Variants in PLB1 observed in about 807,000 individuals in gnomAD.
PLB1 encodes phospholipase B1.
Under a neutral mutation model 227.4 loss-of-function variants are expected in PLB1, and 242 were observed. The ratio of observed to expected loss-of-function variants is 1.06; its 90% confidence interval spans 0.96 to 1.18. The LOEUF is 1.18. Ranked by LOEUF, PLB1 falls within the 50% of genes most tolerant of loss-of-function variation. The pLI, the probability that PLB1 is intolerant of heterozygous loss-of-function variation, is 0.00. For missense variants in PLB1, 1,858 were observed against 1,816.3 expected, an observed-to-expected ratio of 1.02 and a Z score of -0.42; for synonymous variants, 757 against 682.2, an observed-to-expected ratio of 1.11 and a Z score of -1.71.
chr2:28,587,178 C>G (rs925159691), intron 26 of PLB1, among the ~76,000 whole-genome samples: 4 of 152,186 alleles, frequency 2.6e-5, no homozygotes, highest in Non-Finnish European at 5.9e-5. Flanking sequence ...TTACTGGGTG[C>G]ACGCAACTAA....
At chr2:28,538,173 C>A in intron 9 of PLB1, 146 bp from the exon 10 acceptor site, 1 of 910,790 alleles carries the variant, frequency 1.1e-6, no homozygotes, top group Non-Finnish European at 1.8e-6. Context: ...TCTGGGAATT[C>A]TGTCCTCCTT....
At chr2:28,544,233 A>G (rs1027693198) in intron 14 of PLB1, among the ~76,000 whole-genome samples, 1 of 152,218 alleles carries the variant, frequency 6.6e-6, no homozygotes, top group Non-Finnish European at 1.5e-5. Flanking sequence ...GAGTTCTCTG[A>G]ACAGGGACGT....
At chr2:28,637,306 A>C in intron 56 of PLB1, among the ~76,000 whole-genome samples, 1 of 151,784 alleles carries the variant, frequency 6.6e-6, no homozygotes, top group Admixed American at 6.6e-5. Context: ...ATTTAAAAAA[A>C]AAAAAAAAAA....
intron 26 of PLB1, among the ~76,000 whole-genome samples, chr2:28,587,468 G>C (rs562730917): frequency 6.6e-6 from 1 of 152,272 alleles, no homozygotes; most frequent in South Asian, 2.1e-4. Context: ...AAATTAGTCG[G>C]ACGTGGTGGC....
rs555317915 is a variant in PLB1 at position 28,534,199 on chromosome 2, TTAC to T, written c.555+2009_555+2011del. 1.5e-4 allele frequency among the ~76,000 whole-genome samples: 23 copies of T among 152,340 alleles called. No homozygotes were observed. In the East Asian group the frequency reaches 4.4e-3, roughly 29 times the overall value. On this transcript the variant is annotated intron_variant, in intron 9 of 57. Transcript: ENST00000327757. ...TCCATGAGTATTTTGCTGTGTAAAT[TTAC>T]TACATTTTATTTCACCATTTTCCTA... is the stretch of plus-strand genomic sequence containing the variant.
intron 57 of PLB1, among the ~76,000 whole-genome samples, chr2:28,642,010 T>A (rs1009784602): frequency 2.6e-5 from 4 of 152,146 alleles, no homozygotes; most frequent in African/African-American, 9.6e-5. Context: ...CATCCAGGCC[T>A]TTCCTTTTGC....
intron 57 of PLB1, 97 bp downstream of exon 57, chr2:28,641,098 C>A: frequency 8.7e-7 from 1 of 1,149,256 alleles, no homozygotes; most frequent in Non-Finnish European, 1.2e-6. Context: ...GGGATGCTCC[C>A]TCAAATGCGG....
chr2:28,545,698 G>A (rs1367959301), intron 14 of PLB1, among the ~76,000 whole-genome samples: 1 of 152,192 alleles, frequency 6.6e-6, no homozygotes, highest in Non-Finnish European at 1.5e-5. Flanking sequence ...CATCCTCCAG[G>A]TGCGGGGAGG....
At chr2:28,502,347 C>T (rs552688827) in intron 1 of PLB1, among the ~76,000 whole-genome samples, 34 of 152,264 alleles carry the variant, frequency 2.2e-4, no homozygotes, top group African/African-American at 7.5e-4. Flanking sequence ...TACATACATA[C>T]ATAACATATG....
At chr2:28,501,966 A>G (rs1286147344) in intron 1 of PLB1, among the ~76,000 whole-genome samples, 1 of 152,196 alleles carries the variant, frequency 6.6e-6, no homozygotes, top group Non-Finnish European at 1.5e-5. Flanking sequence ...ATGCTAGGCT[A>G]TACATCTAAC....
At position 28,538,363 on chromosome 2, in the gene PLB1, G is replaced by A. The variant is rs748594582; in HGVS notation, c.600G>A (p.Leu200=). ...GCGTGGATGAGCTGATGGGGGTGCT[G>A]GACTACCTGCAGCAGGAGGTGAGGC... ...AGGVDELMGV[L]DYLQQEVPRA... Residue 200 remains leucine (L), a synonymous_variant, in exon 10 of 58, where the codon CTG becomes CTA. Coordinates refer to ENST00000327757, the MANE Select transcript of PLB1 (RefSeq NM_153021.5). The A allele has an allele frequency of 1.2e-6, 2 of 1,612,586 alleles. No homozygotes were observed. Among genetic ancestry groups the A allele is most frequent in the South Asian group, 2.2e-5 (2 of 90,968 alleles).
chr2:28,602,856 G>T lies in PLB1; in HGVS notation c.2709G>T (p.Leu903=). ...TCCTGGTCAACCTCGTGGACTTCCT[G>T]AACCCCACTATCATGCGGCAGGTGT... ...PRVLVNLVDF[L]NPTIMRQVFL... is the part of the protein sequence containing the mutation. Residue 903 remains leucine (L), a synonymous_variant, in exon 39 of 58, where the codon CTG becomes CTT. Transcript: ENST00000327757. 6.2e-7 allele frequency: 1 copy of T among 1,614,134 alleles called. No homozygotes were observed. The highest frequency in any genetic ancestry group is 8.5e-7 in the Non-Finnish European group (1 of 1,180,008).
At chr2:28,635,557 C>T (rs912167186) in intron 56 of PLB1, among the ~76,000 whole-genome samples, 3 of 117,786 alleles carry the variant, frequency 2.5e-5, no homozygotes, top group Non-Finnish European at 6.6e-5. Context: ...ATTCATGTCT[C>T]ACAATTAGAG....
At chr2:28,499,628 G>C (rs977343295) in intron 1 of PLB1, among the ~76,000 whole-genome samples, 3 of 151,738 alleles carry the variant, frequency 2.0e-5, no homozygotes, top group Non-Finnish European at 4.4e-5. Context: ...GCTCACACCT[G>C]TAATCCTAGC....
chr2:28,579,726 T>C lies in PLB1; in HGVS notation c.1566+19T>C. 1 of 1,594,344 alleles carries C rather than the reference T, an allele frequency of 6.3e-7. No individual in the cohort carries two copies. The highest frequency in any genetic ancestry group is 8.6e-7 in the Non-Finnish European group (1 of 1,162,352). ...TGATCTGGTAGGTCTCCAGGCACTT[T>C]ACTCAAGACTCACCCCCAGAGAAGG... On this transcript the variant is annotated intron_variant, in intron 23 of 57. Coordinates refer to ENST00000327757, the MANE Select transcript of PLB1 (RefSeq NM_153021.5).
At chr2:28,554,721 T>C (rs1051104723) in intron 17 of PLB1, among the ~76,000 whole-genome samples, 1 of 152,120 alleles carries the variant, frequency 6.6e-6, no homozygotes, top group Non-Finnish European at 1.5e-5. Flanking sequence ...CTAAAGCATT[T>C]TATAATCTGT....
intron 1 of PLB1, among the ~76,000 whole-genome samples, chr2:28,509,195 C>T (rs1243559612): frequency 3.3e-5 from 5 of 152,172 alleles, no homozygotes; most frequent in African/African-American, 1.2e-4. Flanking sequence ...CATAAGTATA[C>T]GAACATCAAG....
chr2:28,586,876 TA>T (rs1680989922), intron 26 of PLB1, among the ~76,000 whole-genome samples: 1 of 152,124 alleles, frequency 6.6e-6, no homozygotes, highest in South Asian at 2.1e-4. Flanking sequence ...GTCCCCCAAG[TA>T]GCTGGGACTA....
At chr2:28,537,211 C>T (rs1259811793) in intron 9 of PLB1, among the ~76,000 whole-genome samples, 4 of 152,048 alleles carry the variant, frequency 2.6e-5, no homozygotes, top group African/African-American at 9.7e-5. Context: ...CTGTGTGGTG[C>T]CAGCCCAGGT....
Sources: gnomAD v4.1 joint callset for allele counts (sites outside exome capture counted in the v4.1 genomes callset) on GRCh38, gnomAD v4.1.1 for gene constraint, MANE v1.5 for transcripts, NCBI Gene and HGNC (gene_info 2026-07-23, HGNC 2026-07-21) for gene names.